Variants in PARD3 observed in about 807,000 individuals in gnomAD.
PARD3 encodes partitioning defective 3 homolog.
A neutral mutation model predicts 155.4 loss-of-function variants in PARD3; 75 were observed. The ratio of observed to expected loss-of-function variants is 0.48; its 90% confidence interval spans 0.40 to 0.58. PARD3 has a LOEUF of 0.58. Ranked by LOEUF, PARD3 falls within the 20% of genes least tolerant of loss-of-function variation. The pLI is 0.00. For missense variants in PARD3, 1,642 were observed against 1,721.7 expected (o/e 0.95, Z 0.82); for synonymous variants, 576 against 610.5 (o/e 0.94, Z 0.83).
intron 2 of PARD3, among the ~76,000 whole-genome samples, chr10:34,688,954 C>G (rs1827979197): frequency 6.6e-6 from 1 of 152,148 alleles, no homozygotes; most frequent in South Asian, 2.1e-4. Context: ...GCCATTAAAG[C>G]TGTGGTTTTG....
At chr10:34,581,234 C>CTTTTTTTTTTTTTTTTTTTTT (rs779658592) in intron 2 of PARD3, among the ~76,000 whole-genome samples, 2 of 101,274 alleles carry the variant, frequency 2.0e-5, no homozygotes, top group Non-Finnish European at 1.9e-5. Context: ...TTTTTCTTTT[C>CTTTTTTTTTTTTTTTTTTTTT]TTTTTTTTTT....
intron 24 of PARD3, among the ~76,000 whole-genome samples, chr10:34,115,543 G>C (rs1946621087): frequency 6.6e-6 from 1 of 152,140 alleles, no homozygotes; most frequent in Non-Finnish European, 1.5e-5. Context: ...GTTAATAACA[G>C]AGTATTGTAC....
In PARD3 at chr10:34,777,926, G is replaced by A. The variant is rs191197504; in HGVS notation, c.120+36950C>T. Among the ~76,000 whole-genome samples, 17 of 151,540 alleles carry A rather than the reference G, an allele frequency of 1.1e-4. No individual in the cohort carries two copies. In the East Asian group the frequency reaches 2.7e-3, roughly 24 times the overall value. On this transcript the variant is annotated intron_variant, in intron 1 of 24. Coordinates refer to ENST00000374788, the MANE Select transcript of PARD3 (RefSeq NM_001184785.2). ...TAAGATGAGCACTGCCCTCCCTCCC[G>A]CAAGGAGGCCTTTGGGAAAGAGACT...
At chr10:34,652,695 A>G (rs1330442124) in intron 2 of PARD3, among the ~76,000 whole-genome samples, 3 of 152,200 alleles carry the variant, frequency 2.0e-5, no homozygotes, top group Admixed American at 2.0e-4. Context: ...GCCCTCTCGC[A>G]GTGTGCTGAG....
At chr10:34,675,069 C>T (rs933711685) in intron 2 of PARD3, among the ~76,000 whole-genome samples, 2 of 152,166 alleles carry the variant, frequency 1.3e-5, no homozygotes, top group Non-Finnish European at 2.9e-5. Context: ...ACCTCAAGGC[C>T]TTACAAGATC....
intron 22 of PARD3, among the ~76,000 whole-genome samples, chr10:34,206,735 C>A (rs1951498499): frequency 6.6e-6 from 1 of 152,124 alleles, no homozygotes; most frequent in Non-Finnish European, 1.5e-5. Flanking sequence ...TGGTAACTTC[C>A]AGGTTGCTGC....
At chr10:34,129,234 C>T (rs1947459233) in intron 23 of PARD3, among the ~76,000 whole-genome samples, 2 of 152,168 alleles carry the variant, frequency 1.3e-5, no homozygotes, top group South Asian at 2.1e-4. Flanking sequence ...CTCACTGTAA[C>T]CTCTGCCTCC....
At chr10:34,808,615 C>A (rs539303980) in intron 1 of PARD3, among the ~76,000 whole-genome samples, 36 of 152,202 alleles carry the variant, frequency 2.4e-4, no homozygotes, top group Admixed American at 7.2e-4. Context: ...CACCTTCTGG[C>A]CCAATCTTAC....
intron 22 of PARD3, among the ~76,000 whole-genome samples, chr10:34,241,922 TA>T (rs1953623127): frequency 6.6e-6 from 1 of 152,178 alleles, no homozygotes; most frequent in Non-Finnish European, 1.5e-5. Context: ...AACATGGTTA[TA>T]ACTATCTGTA....
chr10:34,341,752 G>A lies in PARD3; in HGVS notation c.2283C>T (p.Asp761=). 6.2e-7 allele frequency: 1 copy of A among 1,613,362 alleles called. No individual in the cohort carries two copies. The highest frequency in any genetic ancestry group is 1.1e-5 in the South Asian group (1 of 91,074). Residue 761 remains aspartate (D), a synonymous_variant, in exon 16 of 25, where the codon GAC becomes GAT. Transcript: ENST00000374788. ...GATGTGGAGGAAGCACTGGCAACCT[G>A]TCATCTTCTATAATGACAGTGTCAT... The part of the protein sequence containing the change: ...PQDDTVIIED[D]RLPVLPPHLS...
chr10:34,383,120 C>A (rs1310439831), intron 8 of PARD3, among the ~76,000 whole-genome samples, 198 bp from the exon 9 acceptor site: 1 of 152,152 alleles, frequency 6.6e-6, no homozygotes, highest in African/African-American at 2.4e-5. Flanking sequence ...ATATAAATTT[C>A]TCATTCTCTC....
At chr10:34,795,950 T>C (rs755973573) in intron 1 of PARD3, among the ~76,000 whole-genome samples, 2 of 152,164 alleles carry the variant, frequency 1.3e-5, no homozygotes, top group African/African-American at 2.4e-5. Flanking sequence ...TCAACTCTTA[T>C]ACTCACACAG....
chr10:34,466,689 G>C (rs772692949), intron 4 of PARD3, among the ~76,000 whole-genome samples: 21 of 152,200 alleles, frequency 1.4e-4, no homozygotes, highest in Middle Eastern at 6.8e-3. Flanking sequence ...TAAAGCATGA[G>C]ACCATAGGTA....
At chr10:34,490,980 GA>G (rs1366400974) in intron 3 of PARD3, among the ~76,000 whole-genome samples, 1 of 152,182 alleles carries the variant, frequency 6.6e-6, no homozygotes, top group Non-Finnish European at 1.5e-5. Context: ...CTCTAGAAGA[GA>G]ATTATTGCTC....
At chr10:34,656,934 T>A (rs1051508573) in intron 2 of PARD3, among the ~76,000 whole-genome samples, 1 of 152,180 alleles carries the variant, frequency 6.6e-6, no homozygotes, top group Non-Finnish European at 1.5e-5. Context: ...GTAAACATGT[T>A]GTGAGGAAAC....
intron 2 of PARD3, among the ~76,000 whole-genome samples, chr10:34,590,344 A>G (rs559675930): frequency 6.6e-6 from 1 of 152,360 alleles, no homozygotes; most frequent in South Asian, 2.1e-4. Context: ...TTTTCAGAAT[A>G]TATGAGGAAT....
chr10:34,769,801 A>AC (rs1554829396), intron 1 of PARD3, among the ~76,000 whole-genome samples: 127 of 67,200 alleles, frequency 1.9e-3, no homozygotes, highest in Non-Finnish European at 3.8e-3. Flanking sequence ...CAAAAAAACA[A>AC]AACAAAAAAA....
chr10:34,599,346 T>C (rs535589423), intron 2 of PARD3, among the ~76,000 whole-genome samples: 1 of 152,108 alleles, frequency 6.6e-6, no homozygotes, highest in African/African-American at 2.4e-5. Flanking sequence ...CTCTCCACCG[T>C]CCAAAATGAT....
In PARD3 at chr10:34,598,716, A is replaced by G. The variant is rs117248247; in HGVS notation, c.223-81557T>C. Among the ~76,000 whole-genome samples the G allele has an allele frequency of 9.8e-4, 150 of 152,322 alleles. 6 individuals are homozygous for G. In the East Asian group the frequency reaches 0.028, roughly 28 times the overall value. ...TGGGGAAAACAAGGGCAGGGGTTCA[A>G]GAGCCATCAGTAAGTCCTGGGGGTA... On this transcript the variant is annotated intron_variant, in intron 2 of 24. Coordinates refer to ENST00000374788, the MANE Select transcript of PARD3 (RefSeq NM_001184785.2).
Sources: gnomAD v4.1 joint callset for allele counts (sites outside exome capture counted in the v4.1 genomes callset) on GRCh38, gnomAD v4.1.1 for gene constraint, MANE v1.5 for transcripts, NCBI Gene and HGNC (gene_info 2026-07-23, HGNC 2026-07-21) for gene names.